CAPN7: variants seen among roughly 807,000 people sequenced by gnomAD.
The protein encoded by CAPN7 is calpain-7.
A neutral mutation model predicts 115.2 loss-of-function variants in CAPN7; 72 were observed. The ratio of observed to expected loss-of-function variants is 0.63; its 90% CI spans 0.52 to 0.76. CAPN7 has a LOEUF of 0.76. CAPN7 is among the 30% of genes least tolerant of loss of function. CAPN7 has a pLI of 0.00. For missense variants in CAPN7, 905 were observed against 971.5 expected, an observed-to-expected ratio of 0.93 and a Z score of 0.91; for synonymous variants, 344 against 322.3, an observed-to-expected ratio of 1.07 and a Z score of -0.72.
intron 16 of CAPN7, 36 bp from the exon 17 acceptor site, chr3:15,245,490 G>T (rs200448739): frequency 1.3e-4 from 199 of 1,573,294 alleles, no homozygotes; most frequent in Non-Finnish European, 1.6e-4. Context: ...AGAAAGAAAA[G>T]TCTCCTTTTC....
Position 15,206,494 on chromosome 3 carries a change from C to T in CAPN7, c.-2C>T. 1 of 1,545,696 alleles carries T rather than the reference C, an allele frequency of 6.5e-7. No homozygotes were observed. The highest frequency in any genetic ancestry group is 1.2e-5 in the South Asian group (1 of 83,702). On this transcript the variant is annotated 5_prime_UTR_variant, in exon 1 of 21. Coordinates refer to ENST00000253693, the MANE Select transcript of CAPN7 (RefSeq NM_014296.3). ...CCTGCCCCGGCGCGGGGCCACTGCG[C>T]CATGGACGCCACAGCACTGGAGCGG...
chr3:15,243,517 A>G (rs1695474898), intron 16 of CAPN7, among the ~76,000 whole-genome samples: 1 of 152,194 alleles, frequency 6.6e-6, no homozygotes, highest in Non-Finnish European at 1.5e-5. Flanking sequence ...ATTAACACCC[A>G]GGATCTGACC....
chr3:15,232,884 C>A (rs1212053842), intron 10 of CAPN7, among the ~76,000 whole-genome samples: 3 of 152,130 alleles, frequency 2.0e-5, no homozygotes, highest in Non-Finnish European at 4.4e-5. Context: ...GGATACAAGG[C>A]CAATTATAAA....
intron 4 of CAPN7, among the ~76,000 whole-genome samples, chr3:15,219,908 T>C (rs1161032856): frequency 1.3e-5 from 2 of 152,184 alleles, no homozygotes; most frequent in Admixed American, 1.3e-4. Context: ...TTCATTCTTT[T>C]GCAATTACCT....
At chr3:15,232,921 G>T (rs1039071487) in intron 10 of CAPN7, among the ~76,000 whole-genome samples, 1 of 152,158 alleles carries the variant, frequency 6.6e-6, no homozygotes, top group Non-Finnish European at 1.5e-5. Flanking sequence ...AGAGCAGTCT[G>T]TTTAGATCAA....
chr3:15,223,323 A>T (rs1694112538), intron 5 of CAPN7, 152 bp from the exon 6 acceptor site: 2 of 587,882 alleles, frequency 3.4e-6, no homozygotes, highest in Admixed American at 6.6e-5. Flanking sequence ...TTATTTTATG[A>T]AAATATTGTC....
chr3:15,224,960 A>G (rs1319743203), intron 6 of CAPN7, among the ~76,000 whole-genome samples: 4 of 152,196 alleles, frequency 2.6e-5, no homozygotes, highest in African/African-American at 9.6e-5. Context: ...TTATAGCATT[A>G]ATGTTCAGGG....
chr3:15,241,699 A>G (rs1291376170), intron 15 of CAPN7, 111 bp downstream of exon 15: 1 of 789,930 alleles, frequency 1.3e-6, no homozygotes, highest in African/African-American at 1.8e-5. Flanking sequence ...AGGTGCCCTG[A>G]GAATAGTGTT....
In CAPN7 at chr3:15,246,717, TTTTTTTAAA is replaced by T. The variant is rs766390672; in HGVS notation, c.2011-13_2011-5del. Reference sequence around the variant, plus strand: ...AAGTGTAAAATTTATCAATACAGTCTTTTTTTAAATCTAGGTATATTCAGCATGCAGCTT... The same window carrying T: ...AAGTGTAAAATTTATCAATACAGTCTTCTAGGTATATTCAGCATGCAGCTT... On this transcript the variant is annotated splice_polypyrimidine_tract_variant and splice_region_variant and intron_variant, in intron 17 of 20. Transcript: ENST00000253693. 1 of 1,554,776 alleles carries T rather than the reference TTTTTTTAAA, an allele frequency of 6.4e-7. No homozygotes were observed. Among genetic ancestry groups the T allele is most frequent in the Non-Finnish European group, 8.8e-7 (1 of 1,130,778 alleles).
rs1054588941 is a variant in CAPN7 at position 15,206,267 on chromosome 3, G to C, written c.-229G>C. 1 of 410,944 alleles carries C rather than the reference G, an allele frequency of 2.4e-6. No individual in the cohort carries two copies. Among genetic ancestry groups the C allele is most frequent in the Non-Finnish European group, 4.4e-6 (1 of 229,700 alleles). 25.5% of individuals were successfully genotyped at this position (410,944 alleles called of 1,614,324 possible). A position where few individuals can be genotyped will look rare whatever the true frequency, so the allele number is the denominator to read the frequency against. The stretch of plus-strand genomic sequence containing the variant: ...GGGCGAGGGCCGCTGGGGCCGCGAA[G>C]TGGGGCGGCCGGGTGGGCTACAAGC... On this transcript the variant is annotated 5_prime_UTR_variant, in exon 1 of 21. Coordinates refer to ENST00000253693, the MANE Select transcript of CAPN7 (RefSeq NM_014296.3).
intron 17 of CAPN7, 71 bp from the exon 18 acceptor site, chr3:15,246,661 A>G (rs991979918): frequency 5.1e-5 from 56 of 1,096,912 alleles, no homozygotes; most frequent in South Asian, 3.3e-4. Context: ...TAGTCTTCCA[A>G]TATATTCATG....
At chr3:15,230,247 A>G (rs1694603320) in intron 8 of CAPN7, among the ~76,000 whole-genome samples, 195 bp from the exon 9 acceptor site, 1 of 152,204 alleles carries the variant, frequency 6.6e-6, no homozygotes, top group African/African-American at 2.4e-5. Context: ...GATCTCAGAA[A>G]ATTACTTACT....
chr3:15,233,262 G>A (rs1323084135), intron 10 of CAPN7, among the ~76,000 whole-genome samples: 4 of 152,180 alleles, frequency 2.6e-5, no homozygotes, highest in African/African-American at 9.6e-5. Flanking sequence ...ATAAAATGAA[G>A]TGACATATGC....
chr3:15,211,618 G>A (rs1292341259), intron 1 of CAPN7, among the ~76,000 whole-genome samples: 2 of 151,932 alleles, frequency 1.3e-5, no homozygotes, highest in African/African-American at 4.8e-5. Context: ...ATTTGGGCCA[G>A]GTGTGGTGGC....
intron 2 of CAPN7, among the ~76,000 whole-genome samples, chr3:15,214,930 T>G (rs1439489761): frequency 1.3e-5 from 2 of 152,198 alleles, no homozygotes; most frequent in African/African-American, 4.8e-5. Flanking sequence ...GGAATATGCT[T>G]CTGGGATTTA....
chr3:15,208,964 G>A (rs1354178829), intron 1 of CAPN7, among the ~76,000 whole-genome samples: 1 of 152,114 alleles, frequency 6.6e-6, no homozygotes, highest in Non-Finnish European at 1.5e-5. Context: ...TGTCAATAAA[G>A]TGTGGTTTGT....
chr3:15,231,612 C>T (rs1314585031), intron 9 of CAPN7, among the ~76,000 whole-genome samples: 5 of 152,018 alleles, frequency 3.3e-5, no homozygotes, highest in Non-Finnish European at 7.4e-5. Flanking sequence ...TCACTGCAAC[C>T]TCCGCCTCCT....
At chr3:15,211,086 T>C (rs2044913872) in intron 1 of CAPN7, among the ~76,000 whole-genome samples, 1 of 152,198 alleles carries the variant, frequency 6.6e-6, no homozygotes, top group Non-Finnish European at 1.5e-5. Flanking sequence ...TTTCTTAAAA[T>C]TAAAATAAGT....
intron 19 of CAPN7, among the ~76,000 whole-genome samples, chr3:15,249,213 TAAAC>T (rs1695859205): frequency 6.6e-6 from 1 of 152,150 alleles, no homozygotes; most frequent in Non-Finnish European, 1.5e-5. Context: ...AATAGGTAAA[TAAAC>T]CTATTTGCTC....
Sources: gnomAD v4.1 joint callset for allele counts (sites outside exome capture counted in the v4.1 genomes callset) on GRCh38, gnomAD v4.1.1 for gene constraint, MANE v1.5 for transcripts, NCBI Gene and HGNC (gene_info 2026-07-23, HGNC 2026-07-21) for gene names.